FOXN2: variants seen among roughly 807,000 people sequenced by gnomAD.
The protein encoded by FOXN2 is forkhead box N2.
A neutral mutation model predicts 41.2 loss-of-function variants in FOXN2; 19 were observed. The observed-to-expected ratio is 0.46, with a 90% CI of 0.32 to 0.68. The LOEUF (loss-of-function observed/expected upper bound fraction) is 0.68, where lower values mean the gene tolerates loss of function less well. Among genes scored for constraint, FOXN2 ranks in the 30% least tolerant of loss-of-function variants. The probability of loss-of-function intolerance (pLI) is 0.03; values close to 1 mark genes in which losing one functional copy is unlikely to be tolerated. For missense variants in FOXN2, 587 were observed against 509.4 expected, an observed-to-expected ratio of 1.15 and a Z score of -1.47; for synonymous variants, 195 against 176.8, an observed-to-expected ratio of 1.10 and a Z score of -0.82.
At chr2:48,338,684 C>A (rs2104306457) in intron 2 of FOXN2, among the ~76,000 whole-genome samples, 1 of 152,188 alleles carries the variant, frequency 6.6e-6, no homozygotes, top group East Asian at 1.9e-4. Context: ...CAGGCATGAG[C>A]CACCGCGCCT....
chr2:48,365,443 G>A (rs565365906), intron 5 of FOXN2, among the ~76,000 whole-genome samples: 3 of 152,208 alleles, frequency 2.0e-5, no homozygotes, highest in South Asian at 2.1e-4. Flanking sequence ...AGCTCAGTTC[G>A]TATACATATC....
chr2:48,366,353 CAA>C (rs372215355), intron 5 of FOXN2, among the ~76,000 whole-genome samples: 145 of 92,200 alleles, frequency 1.6e-3, no homozygotes, highest in African/African-American at 3.6e-3. Context: ...AGTGAGACTC[CAA>C]AAAAAAAAAA....
In FOXN2 at chr2:48,369,440, A is replaced by C. The variant is rs532918828; in HGVS notation, c.704-3852A>C. Among the ~76,000 whole-genome samples the C allele has an allele frequency of 5.3e-5, 8 of 152,332 alleles. No homozygotes were observed. In the East Asian group the frequency reaches 1.5e-3, roughly 29 times the overall value. On this transcript the variant is annotated intron_variant, in intron 5 of 6. Coordinates refer to ENST00000340553, the MANE Select transcript of FOXN2 (RefSeq NM_002158.4). The stretch of plus-strand genomic sequence containing the variant: ...GTAATCCCAGCTACTCAGGAGGCTG[A>C]GGCAGTAGAATCACTTGAACCCAGG...
intron 3 of FOXN2, among the ~76,000 whole-genome samples, chr2:48,347,471 C>A (rs529436282): frequency 5.4e-4 from 82 of 152,064 alleles, no homozygotes; most frequent in Middle Eastern, 6.8e-3. Flanking sequence ...TCAAGTACCA[C>A]CCACCTTGAC....
At position 48,375,251 on chromosome 2, in the gene FOXN2, A is replaced by C. The variant is rs953114067; in HGVS notation, c.1104A>C (p.Ala368=). Residue 368 remains alanine (A), a synonymous_variant, in exon 7 of 7, where the codon GCA becomes GCC. Coordinates refer to ENST00000340553, the MANE Select transcript of FOXN2 (RefSeq NM_002158.4). The part of the protein sequence containing the change: ...EDDPLGDSGY[A]SQPCAKISEK... ...ATCCTCTTGGAGACAGTGGCTATGC[A>C]TCACAGCCTTGTGCAAAAATCTCTG... 1 of 1,614,088 alleles carries C rather than the reference A, an allele frequency of 6.2e-7. No individual in the cohort carries two copies. The highest frequency in any genetic ancestry group is 2.2e-5 in the East Asian group (1 of 44,868).
chr2:48,352,647 A>T (rs11687851), intron 3 of FOXN2, among the ~76,000 whole-genome samples: 11,382 of 152,198 alleles, frequency 0.075, 587 homozygotes, highest in Non-Finnish European at 0.11. Context: ...CCGAAATTGG[A>T]CTTTATTCCT....
intron 2 of FOXN2, among the ~76,000 whole-genome samples, chr2:48,335,485 C>T (rs1273668464): frequency 2.0e-5 from 3 of 151,478 alleles, no homozygotes; most frequent in Non-Finnish European, 4.4e-5. Flanking sequence ...GTTTCGATAA[C>T]AGTAATGGAA....
rs544368849 is a variant in FOXN2 at position 48,344,676 on chromosome 2, T to A, written c.-14-1525T>A. ...ATGGAGTGCTCTGAGGCTAACTACT[T>A]CTGGTGGTAGCTCCCAGAATCCAGA... On this transcript the variant is annotated intron_variant, in intron 2 of 6. Transcript: ENST00000340553. Among the ~76,000 whole-genome samples, 3 of 152,340 alleles carry A rather than the reference T, an allele frequency of 2.0e-5. No individual in the cohort carries two copies. The East Asian group carries it at 5.8e-4, about 29-fold the overall frequency.
At chr2:48,366,534 C>T (rs756551063) in intron 5 of FOXN2, among the ~76,000 whole-genome samples, 13 of 152,084 alleles carry the variant, frequency 8.5e-5, no homozygotes, top group Non-Finnish European at 7.4e-5. Context: ...TAGATGTGGT[C>T]ATTTGCGTGG....
chr2:48,370,630 A>G (rs950192368), intron 5 of FOXN2, among the ~76,000 whole-genome samples: 1 of 152,026 alleles, frequency 6.6e-6, no homozygotes, highest in African/African-American at 2.4e-5. Context: ...TCATTTGCCC[A>G]TTTTTAAATT....
At position 48,378,633 on chromosome 2, in the gene FOXN2, T is replaced by C. The variant is rs1132623; in HGVS notation, c.*3190T>C. 6.6e-6 allele frequency: 1 copy of C among 152,220 alleles called. No individual in the cohort carries two copies. Among genetic ancestry groups the C allele is most frequent in the East Asian group, 1.9e-4 (1 of 5,204 alleles). 9.4% of individuals were successfully genotyped at this position (152,220 alleles called of 1,614,324 possible). On this transcript the variant is annotated 3_prime_UTR_variant, in exon 7 of 7. Transcript: ENST00000340553. ...CCTTTTGTGAAGATCACAGCATTTATCTAAGAAACTGTGAGGCTTTCTGGT... is the reference window on the plus strand; with the variant it reads ...CCTTTTGTGAAGATCACAGCATTTACCTAAGAAACTGTGAGGCTTTCTGGT...
Position 48,375,664 on chromosome 2 carries a change from T to A in FOXN2, c.*221T>A. ...TGTGAAGTCCTAAAAGCATAATTTT[T>A]GTGATAAATGTGTCCAAGATTTGAA... On this transcript the variant is annotated 3_prime_UTR_variant, in exon 7 of 7. Transcript: ENST00000340553. The A allele has an allele frequency of 2.5e-6, 1 of 406,504 alleles. No homozygotes were observed. Among genetic ancestry groups the A allele is most frequent in the Non-Finnish European group, 4.4e-6 (1 of 228,594 alleles). 25.2% of individuals were successfully genotyped at this position (406,504 alleles called of 1,614,324 possible).
In FOXN2 at chr2:48,375,114, C is replaced by A; in HGVS notation, c.967C>A (p.Leu323Met). Residue 323 changes from leucine (L) to methionine (M), a missense_variant, in exon 7 of 7, where the codon CTG becomes ATG. Physicochemically the swap from Leu to Met is conservative, Grantham distance 15. Transcript: ENST00000340553. Reference protein sequence around the residue: ...RCASRSSVSSLSSVDEVYEFI... With the variant: ...RCASRSSVSSMSSVDEVYEFI... ...TGCATCCAGGTCTAGCGTGTCTTCC[C>A]TGTCTTCTGTGGATGAGGTATATGA... 6.2e-7 allele frequency: 1 copy of A among 1,614,058 alleles called. No individual in the cohort carries two copies. Among genetic ancestry groups the A allele is most frequent in the Non-Finnish European group, 8.5e-7 (1 of 1,179,966 alleles).
At chr2:48,314,657 G>C (rs1446226367), upstream of FOXN2, 2 of 152,846 alleles carry the variant, frequency 1.3e-5, no homozygotes, top group Non-Finnish European at 2.9e-5. Context: ...GAGCGGGAGG[G>C]GGATGTGGTG....
intron 3 of FOXN2, among the ~76,000 whole-genome samples, chr2:48,358,485 TTG>T: frequency 6.6e-6 from 1 of 152,354 alleles, no homozygotes; most frequent in Non-Finnish European, 1.5e-5. Context: ...ACCTTGGTTT[TTG>T]AACCTATAGA....
intron 5 of FOXN2, among the ~76,000 whole-genome samples, chr2:48,365,901 C>T (rs1331679259): frequency 6.6e-6 from 1 of 152,180 alleles, no homozygotes; most frequent in Non-Finnish European, 1.5e-5. Flanking sequence ...AGGAAATTTT[C>T]TCTTGCCTCT....
chr2:48,331,804 CAGAAAAAAAAAAAAAA>C (rs1383425119), intron 2 of FOXN2, among the ~76,000 whole-genome samples: 1 of 136,284 alleles, frequency 7.3e-6, no homozygotes, highest in Non-Finnish European at 1.6e-5. Context: ...GTGACAGAAC[CAGAAAAAAAAAAAAAA>C]AGAAAGAAAA....
intron 1 of FOXN2, among the ~76,000 whole-genome samples, chr2:48,321,405 G>A (rs1294148895): frequency 6.6e-6 from 1 of 152,050 alleles, no homozygotes. Context: ...GCGTGGTGGC[G>A]AGTGCCTGTA....
chr2:48,335,722 A>G (rs1281203920), intron 2 of FOXN2, among the ~76,000 whole-genome samples: 1 of 152,232 alleles, frequency 6.6e-6, no homozygotes, highest in Non-Finnish European at 1.5e-5. Flanking sequence ...ATAGCATCTT[A>G]TGAAGTTAAG....
Sources: allele counts gnomAD v4.1 joint callset (sites outside exome capture counted in the v4.1 genomes callset), GRCh38; gene constraint gnomAD v4.1.1; transcripts MANE v1.5; gene names NCBI Gene and HGNC (gene_info 2026-07-23, HGNC 2026-07-21).